Variants in CDK14 observed in about 807,000 individuals in gnomAD.
The protein encoded by CDK14 is cyclin-dependent kinase 14.
CDK14 carries 34 observed loss-of-function variants against 60.7 expected under a neutral mutation model. The ratio of observed to expected loss-of-function variants is 0.56; its 90% CI spans 0.43 to 0.75. The LOEUF (loss-of-function observed/expected upper bound fraction) is 0.75, where lower values mean the gene tolerates loss of function less well. CDK14 is among the 30% of genes least tolerant of loss of function. The pLI, the probability that CDK14 is intolerant of heterozygous loss-of-function variation, is 0.00. For synonymous variants in CDK14, 197 were observed against 203.7 expected (o/e 0.97, Z 0.28); for missense variants, 482 against 564.1 (o/e 0.85, Z 1.47).
intron 7 of CDK14, among the ~76,000 whole-genome samples, chr7:90,909,403 C>T (rs976240591): frequency 6.6e-6 from 1 of 151,744 alleles, no homozygotes; most frequent in Non-Finnish European, 1.5e-5. Flanking sequence ...TAGGCAGATG[C>T]CCACCTTTAT....
At chr7:90,924,790 C>G (rs1230754719) in intron 8 of CDK14, among the ~76,000 whole-genome samples, 1 of 151,408 alleles carries the variant, frequency 6.6e-6, no homozygotes, top group African/African-American at 2.4e-5. Flanking sequence ...CCTTTTTTCC[C>G]TAGTTTCTTT....
chr7:91,058,531 T>C (rs1355290710), intron 11 of CDK14, among the ~76,000 whole-genome samples: 5 of 152,222 alleles, frequency 3.3e-5, no homozygotes, highest in African/African-American at 1.2e-4. Context: ...CAGTATGATA[T>C]TGGCTGTGGG....
At chr7:91,121,551 C>A (rs1799783032) in intron 14 of CDK14, among the ~76,000 whole-genome samples, 1 of 152,126 alleles carries the variant, frequency 6.6e-6, no homozygotes, top group South Asian at 2.1e-4. Flanking sequence ...TTAATAATGC[C>A]AGATTTGCAT....
At chr7:90,877,916 A>G (rs1045931744) in intron 6 of CDK14, among the ~76,000 whole-genome samples, 1 of 152,106 alleles carries the variant, frequency 6.6e-6, no homozygotes, top group African/African-American at 2.4e-5. Flanking sequence ...TGTCATCACG[A>G]CACCTGTATA....
intron 2 of CDK14, among the ~76,000 whole-genome samples, chr7:90,645,023 T>A: frequency 6.6e-6 from 1 of 152,176 alleles, no homozygotes; most frequent in Non-Finnish European, 1.5e-5. Flanking sequence ...AGTAAGCTTT[T>A]TTATTATTAT....
intron 4 of CDK14, among the ~76,000 whole-genome samples, chr7:90,753,750 G>A (rs1803942952): frequency 6.6e-6 from 1 of 152,104 alleles, no homozygotes; most frequent in Admixed American, 6.5e-5. Flanking sequence ...CCGCCAAAAA[G>A]CTCCTGGAAT....
At chr7:90,816,537 G>A (rs953612984) in intron 5 of CDK14, among the ~76,000 whole-genome samples, 9 of 152,290 alleles carry the variant, frequency 5.9e-5, no homozygotes, top group Non-Finnish European at 1.3e-4. Flanking sequence ...TGTGGCCAGG[G>A]CATTTGGGAT....
chr7:90,801,721 T>G (rs1463401803), intron 5 of CDK14, among the ~76,000 whole-genome samples: 2 of 152,160 alleles, frequency 1.3e-5, no homozygotes, highest in African/African-American at 4.8e-5. Flanking sequence ...TTTATCCAGA[T>G]ACATCTTTTT....
Position 91,207,546 on chromosome 7 carries a change from G to A in CDK14, c.*410G>A, listed in dbSNP as rs1215525096. ...TTGGTGTTCACACTTCTTCAGTAAT[G>A]TCTGAACTTGAAAGCCACAGAGTGG... On this transcript the variant is annotated 3_prime_UTR_variant, in exon 15 of 15. Transcript: ENST00000380050. 1 of 152,624 alleles carries A rather than the reference G, an allele frequency of 6.6e-6. No individual in the cohort carries two copies. Among genetic ancestry groups the A allele is most frequent in the African/African-American group, 2.4e-5 (1 of 41,446 alleles). 9.5% of individuals were successfully genotyped at this position (152,624 alleles called of 1,614,324 possible).
At chr7:91,153,702 G>C (rs928659509) in intron 14 of CDK14, among the ~76,000 whole-genome samples, 1 of 152,076 alleles carries the variant, frequency 6.6e-6, no homozygotes, top group Admixed American at 6.6e-5. Flanking sequence ...GACACATAGA[G>C]GGAAACAACA....
intron 4 of CDK14, among the ~76,000 whole-genome samples, chr7:90,748,314 TC>T (rs1292466397): frequency 5.3e-5 from 8 of 152,222 alleles, no homozygotes; most frequent in African/African-American, 1.9e-4. Context: ...CTTCTTTCTC[TC>T]CATTGCTCTC....
chr7:91,118,592 G>A (rs552860259), intron 14 of CDK14, among the ~76,000 whole-genome samples: 1 of 152,226 alleles, frequency 6.6e-6, no homozygotes, highest in East Asian at 1.9e-4. Flanking sequence ...TTTAAAATGG[G>A]GAGATTACAC....
At chr7:90,727,557 G>A (rs1468292666) in intron 3 of CDK14, among the ~76,000 whole-genome samples, 1 of 152,032 alleles carries the variant, frequency 6.6e-6, no homozygotes, top group African/African-American at 2.4e-5. Flanking sequence ...GTATGATAAT[G>A]TAAATTTTGG....
At position 91,207,792 on chromosome 7, in the gene CDK14, A is replaced by AT. The variant is rs745320269; in HGVS notation, c.*660dup. On this transcript the variant is annotated 3_prime_UTR_variant, in exon 15 of 15. Coordinates refer to ENST00000380050, the MANE Select transcript of CDK14 (RefSeq NM_001287135.2). ...TATAGGATATTGGACTCTGCTTAGCATTTTCAAGCCACATAGCATGACTGT... is the reference window on the plus strand; with the variant it reads ...TATAGGATATTGGACTCTGCTTAGCATTTTTCAAGCCACATAGCATGACTGT... The AT allele has an allele frequency of 6.6e-6, 1 of 152,652 alleles. No homozygotes were observed. Among genetic ancestry groups the AT allele is most frequent in the African/African-American group, 2.4e-5 (1 of 41,446 alleles). The allele number at this position is 152,652 out of a possible 1,614,324, so 9.5% of individuals were successfully genotyped here.
intron 14 of CDK14, among the ~76,000 whole-genome samples, chr7:91,119,231 A>T (rs781027638): frequency 3.3e-5 from 5 of 152,180 alleles, no homozygotes; most frequent in Admixed American, 3.3e-4. Flanking sequence ...CTGTAATCCC[A>T]GCACTTTGGG....
chr7:90,886,841 C>G (rs1188033923), intron 6 of CDK14, among the ~76,000 whole-genome samples: 1 of 152,100 alleles, frequency 6.6e-6, no homozygotes, highest in South Asian at 2.1e-4. Context: ...TCCAGAGTAT[C>G]TGTAATTTCA....
chr7:91,046,002 G>C, intron 11 of CDK14, 42 bp downstream of exon 11: 2 of 1,285,440 alleles, frequency 1.6e-6, no homozygotes, highest in Non-Finnish European at 2.3e-6. Context: ...CTTCCTATAT[G>C]CAAAAGGTGA....
intron 9 of CDK14, chr7:90,979,433 C>T (rs929423984): frequency 6.6e-6 from 1 of 152,140 alleles, no homozygotes; most frequent in African/African-American, 2.4e-5. Flanking sequence ...CTTTTCTAGC[C>T]CTTTCAGGCG....
rs115635396 is a variant in CDK14, at chr7:90,869,215, G to A, written c.639+5946G>A. On this transcript the variant is annotated intron_variant, in intron 6 of 14. Coordinates refer to ENST00000380050, the MANE Select transcript of CDK14 (RefSeq NM_001287135.2). ...TGAACATTTTTCTGCTTTCCTCTGAGATAGATGTATGTGCATAGGTATGCA... is the reference window on the plus strand; with the variant it reads ...TGAACATTTTTCTGCTTTCCTCTGAAATAGATGTATGTGCATAGGTATGCA... Among the ~76,000 whole-genome samples the A allele has an allele frequency of 3.1e-3, 479 of 152,326 alleles. 5 individuals carry two copies. The highest frequency in any genetic ancestry group is 0.011 in the African/African-American group (462 of 41,570).
Sources: allele counts gnomAD v4.1 joint callset (sites outside exome capture counted in the v4.1 genomes callset), GRCh38; gene constraint gnomAD v4.1.1; transcripts MANE v1.5; gene names NCBI Gene and HGNC (gene_info 2026-07-23, HGNC 2026-07-21).